The following ADAMTSL1 variants were observed in gnomAD, a reference collection of about 807,000 sequenced individuals.
The protein encoded by ADAMTSL1 is ADAMTS like 1, also known as ADAMTS-like protein 1.
In ADAMTSL1, 126 loss-of-function variants were observed where a neutral mutation model predicts 201.8. That is an observed-to-expected ratio of 0.62 (90% confidence interval 0.54 to 0.72). ADAMTSL1 has a LOEUF of 0.72. Among genes scored for constraint, ADAMTSL1 ranks in the 30% least tolerant of loss-of-function variants. ADAMTSL1 has a pLI of 0.00. For missense variants in ADAMTSL1, 2,679 were observed against 2,277.8 expected (o/e 1.18, Z -3.59); for synonymous variants, 1,121 against 903.4 (o/e 1.24, Z -4.32).
intron 1 of ADAMTSL1, among the ~76,000 whole-genome samples, chr9:18,154,676 C>T (rs1164491041): frequency 6.6e-6 from 1 of 152,036 alleles, no homozygotes; most frequent in African/African-American, 2.4e-5. Flanking sequence ...CCGAGGAATA[C>T]ATGGACTGAA....
intron 4 of ADAMTSL1, 95 bp from the exon 5 acceptor site, chr9:18,622,148 G>T: frequency 6.0e-6 from 9 of 1,495,542 alleles, no homozygotes; most frequent in East Asian, 2.3e-5. Flanking sequence ...GCCCCTCAGG[G>T]ATGAAGGGAG....
intron 16 of ADAMTSL1, among the ~76,000 whole-genome samples, chr9:18,767,473 C>G (rs1389229226): frequency 6.6e-6 from 1 of 152,126 alleles, no homozygotes; most frequent in Non-Finnish European, 1.5e-5. Context: ...TATAGTATAA[C>G]TTGTTGGTTC....
intron 26 of ADAMTSL1, among the ~76,000 whole-genome samples, chr9:18,903,835 C>T (rs1830143591): frequency 6.6e-6 from 1 of 151,788 alleles, no homozygotes; most frequent in African/African-American, 2.4e-5. Context: ...GGTTTCACAT[C>T]CCAAGACCTT....
In ADAMTSL1 at chr9:18,439,939, C is replaced by CTA. The variant is rs1819923540; in HGVS notation, c.208-64887_208-64886dup. On this transcript the variant is annotated intron_variant, in intron 2 of 29. Coordinates refer to the ADAMTSL1 transcript ENST00000680146. ...TGTGGTCTGAGCCTAAGTTTTTAAT[C>CTA]TATAGTACACTACTTCACACCATCC... is the stretch of plus-strand genomic sequence containing the variant. Among the ~76,000 whole-genome samples, 2 of 152,126 alleles carry CTA rather than the reference C, an allele frequency of 1.3e-5. 1 individual carries two copies. Among genetic ancestry groups the CTA allele is most frequent in the South Asian group, 4.1e-4 (2 of 4,834 alleles).
intron 2 of ADAMTSL1, among the ~76,000 whole-genome samples, chr9:18,509,011 C>T (rs1181700121): frequency 2.8e-5 from 3 of 106,048 alleles, no homozygotes; most frequent in Non-Finnish European, 4.0e-5. Flanking sequence ...GGTGAAACCC[C>T]GTCTCTACTA....
chr9:18,804,264 C>T (rs1822971201), intron 20 of ADAMTSL1, among the ~76,000 whole-genome samples: 2 of 152,140 alleles, frequency 1.3e-5, no homozygotes, highest in Non-Finnish European at 2.9e-5. Context: ...AGAAGTAGTA[C>T]AGCTTTTGTG....
intron 1 of ADAMTSL1, among the ~76,000 whole-genome samples, chr9:17,947,530 C>G (rs940881571): frequency 1.3e-5 from 2 of 152,040 alleles, no homozygotes; most frequent in Admixed American, 1.3e-4. Context: ...AAAACAAATA[C>G]ATTTATTTTC....
At chr9:18,014,608 A>G (rs2131565128) in intron 1 of ADAMTSL1, among the ~76,000 whole-genome samples, 1 of 152,232 alleles carries the variant, frequency 6.6e-6, no homozygotes, top group Middle Eastern at 3.4e-3. Context: ...TGCAGGCTGA[A>G]GTCTTATTGC....
intron 3 of ADAMTSL1, among the ~76,000 whole-genome samples, chr9:18,551,143 G>C (rs867436164): frequency 6.6e-6 from 1 of 151,820 alleles, no homozygotes; most frequent in African/African-American, 2.4e-5. Flanking sequence ...TTCCAAAGTG[G>C]TGGTTTCAAT....
chr9:18,526,799 C>T (rs999451687), intron 2 of ADAMTSL1, among the ~76,000 whole-genome samples: 20 of 152,276 alleles, frequency 1.3e-4, no homozygotes, highest in African/African-American at 4.8e-4. Flanking sequence ...ACAGGAGAAA[C>T]TGTGTTCCAG....
intron 2 of ADAMTSL1, among the ~76,000 whole-genome samples, chr9:18,532,275 C>A (rs978601768): frequency 2.0e-5 from 3 of 152,032 alleles, no homozygotes; most frequent in African/African-American, 7.2e-5. Context: ...AATGGTACAA[C>A]TTTTATGGAG....
chr9:18,222,908 A>G (rs941064568), intron 2 of ADAMTSL1, among the ~76,000 whole-genome samples: 1 of 152,098 alleles, frequency 6.6e-6, no homozygotes, highest in Non-Finnish European at 1.5e-5. Flanking sequence ...TTATGTGGCT[A>G]TTGAAAATAG....
intron 2 of ADAMTSL1, among the ~76,000 whole-genome samples, chr9:18,377,071 C>T (rs1195726049): frequency 6.6e-6 from 1 of 152,124 alleles, no homozygotes; most frequent in Non-Finnish European, 1.5e-5. Flanking sequence ...GAGTTTTCTT[C>T]AAATTTATTG....
At chr9:18,072,274 A>T (rs1273442866) in intron 1 of ADAMTSL1, among the ~76,000 whole-genome samples, 2 of 152,236 alleles carry the variant, frequency 1.3e-5, no homozygotes, top group Non-Finnish European at 1.5e-5. Context: ...TATGCGAAAC[A>T]TGATTTTATG....
At chr9:18,460,187 C>A (rs1820756105) in intron 2 of ADAMTSL1, among the ~76,000 whole-genome samples, 1 of 152,066 alleles carries the variant, frequency 6.6e-6, no homozygotes, top group Non-Finnish European at 1.5e-5. Context: ...GCAACCACAC[C>A]CTATTCTTGG....
At chr9:18,782,216 T>A (rs1303151305) in intron 19 of ADAMTSL1, among the ~76,000 whole-genome samples, 1 of 152,218 alleles carries the variant, frequency 6.6e-6, no homozygotes, top group Non-Finnish European at 1.5e-5. Flanking sequence ...GAGGAGTAAA[T>A]GCAGTATTAT....
chr9:18,801,151 A>C (rs1282403106), intron 20 of ADAMTSL1, among the ~76,000 whole-genome samples: 1 of 152,180 alleles, frequency 6.6e-6, no homozygotes, highest in Non-Finnish European at 1.5e-5. Context: ...ACAGAATTTC[A>C]AGGGCACAAA....
intron 2 of ADAMTSL1, among the ~76,000 whole-genome samples, chr9:18,456,186 C>T (rs541713216): frequency 1.3e-5 from 2 of 152,244 alleles, no homozygotes; most frequent in South Asian, 4.2e-4. Context: ...TTCCTCTGAA[C>T]AGCTTTCAAG....
At chr9:18,908,286 T>C (rs1036913345) in intron 28 of ADAMTSL1, 156 bp from the exon 29 acceptor site, 26 of 667,704 alleles carry the variant, frequency 3.9e-5, no homozygotes, top group Non-Finnish European at 6.9e-5. Context: ...GGCTGAGCTC[T>C]GTCAAAGTTA....
Sources: allele counts gnomAD v4.1 joint callset (sites outside exome capture counted in the v4.1 genomes callset), GRCh38; gene constraint gnomAD v4.1.1; transcripts MANE v1.5; gene names NCBI Gene and HGNC (gene_info 2026-07-23, HGNC 2026-07-21).